The following RERE variants were observed in gnomAD, a reference collection of about 807,000 sequenced individuals.
RERE encodes the protein arginine-glutamic acid dipeptide repeats protein.
A neutral mutation model predicts 146.1 loss-of-function variants in RERE; 40 were observed. The observed-to-expected ratio is 0.27, with a 90% CI of 0.21 to 0.36. The LOEUF (loss-of-function observed/expected upper bound fraction) is 0.36, where lower values mean the gene tolerates loss of function less well. Among genes scored for constraint, RERE ranks in the 10% least tolerant of loss-of-function variants. The probability of loss-of-function intolerance (pLI) is 1.00; values close to 1 mark genes in which losing one functional copy is unlikely to be tolerated. For synonymous variants in RERE, 1,003 were observed against 866.0 expected (o/e 1.16, Z -2.78); for missense variants, 1,933 against 2,138.7 (o/e 0.90, Z 1.90).
rs1485084384 is a variant in RERE at position 8,355,251 on chromosome 1, T to C, written c.4668-131A>G. The C allele has an allele frequency of 2.6e-6, 3 of 1,165,088 alleles. No individual in the cohort carries two copies. The Admixed American group carries it at 5.5e-5, about 21-fold the overall frequency. The allele number at this position is 1,165,088 out of a possible 1,614,324, so 72.2% of individuals were successfully genotyped here. A position where few individuals can be genotyped will look rare whatever the true frequency, so the allele number is the denominator to read the frequency against. On this transcript the variant is annotated intron_variant, in intron 22 of 22. Coordinates refer to ENST00000400908, the MANE Select transcript of RERE (RefSeq NM_001042681.2). ...CCCGCAGCCTCCTGTGTAGCTGACC[T>C]ACCCTCCCAACACCTCCCTTCCTCT...
At chr1:8,446,837 C>A (rs1185217698) in intron 11 of RERE, among the ~76,000 whole-genome samples, 1 of 149,404 alleles carries the variant, frequency 6.7e-6, no homozygotes, top group South Asian at 2.1e-4. Flanking sequence ...CCACACCGGG[C>A]TAATTTTTTT....
intron 1 of RERE, among the ~76,000 whole-genome samples, chr1:8,809,154 A>AT (rs1641746294): frequency 4.0e-5 from 6 of 151,124 alleles, no homozygotes; most frequent in African/African-American, 1.5e-4. Context: ...AAAAAAAAAA[A>AT]AAAAAAGTAC....
chr1:8,632,755 C>T lies in RERE; in HGVS notation c.326-8375G>A, dbSNP rs115642956. Among the ~76,000 whole-genome samples the T allele has an allele frequency of 4.6e-3, 693 of 152,266 alleles. 6 individuals carry two copies. The highest frequency in any genetic ancestry group is 0.016 in the African/African-American group (665 of 41,546). ...CATCTTCTATTTCTTGGAAGCCTTC[C>T]TTGTTAAGACTAATGTACATATTCA... is the stretch of plus-strand genomic sequence containing the variant. On this transcript the variant is annotated intron_variant, in intron 2 of 22. Transcript: ENST00000400908.
At chr1:8,691,626 A>G (rs1474049472) in intron 1 of RERE, among the ~76,000 whole-genome samples, 15 of 152,230 alleles carry the variant, frequency 9.9e-5, no homozygotes, top group Admixed American at 9.8e-4. Context: ...GTCACAAATT[A>G]TGTTCTGGGA....
At chr1:8,698,680 T>A (rs1191381839) in intron 1 of RERE, among the ~76,000 whole-genome samples, 2 of 151,676 alleles carry the variant, frequency 1.3e-5, no homozygotes, top group Non-Finnish European at 2.9e-5. Flanking sequence ...TCTATTTTTA[T>A]TTTTTTTAAT....
intron 1 of RERE, among the ~76,000 whole-genome samples, chr1:8,695,069 C>G (rs1201259929): frequency 7.1e-6 from 1 of 141,028 alleles, no homozygotes; most frequent in Non-Finnish European, 1.5e-5. Flanking sequence ...GGTACAAAAA[C>G]AGACACATAG....
chr1:8,492,217 C>A (rs942756456), intron 10 of RERE, among the ~76,000 whole-genome samples: 1 of 152,086 alleles, frequency 6.6e-6, no homozygotes, highest in African/African-American at 2.4e-5. Context: ...TCTGGGAGTG[C>A]TAACAAAACC....
chr1:8,543,855 G>A (rs186842619), intron 6 of RERE, among the ~76,000 whole-genome samples: 20 of 152,330 alleles, frequency 1.3e-4, no homozygotes, highest in Admixed American at 5.2e-4. Flanking sequence ...TGAAGTTGTC[G>A]TAAATGGGAT....
rs1029317708 is a variant in RERE, at chr1:8,358,292, C to T, written c.4243G>A (p.Ala1415Thr). ...RMASLTSDPLARLQMFNVTPH... is the reference protein window; with the variant it reads ...RMASLTSDPLTRLQMFNVTPH... Reference sequence around the variant, plus strand: ...GTCACGTTGAACATCTGCAGTCGGGCCAGGGGATCGCTGGTCAGCGATGCC... The same window carrying T: ...GTCACGTTGAACATCTGCAGTCGGGTCAGGGGATCGCTGGTCAGCGATGCC... Residue 1415 changes from alanine (A) to threonine (T), a missense_variant, in exon 20 of 23, where the codon GCC (alanine) becomes ACC (threonine). Physicochemically the swap from Ala to Thr is moderately conservative, Grantham distance 58. This residue lies in a region of RERE where 47 missense variants were observed against 58.6 expected (regional missense o/e 0.80). Transcript: ENST00000400908. 1 of 1,613,630 alleles carries T rather than the reference C, an allele frequency of 6.2e-7. No individual in the cohort carries two copies. The highest frequency in any genetic ancestry group is 8.5e-7 in the Non-Finnish European group (1 of 1,179,664).
At chr1:8,560,488 A>G (rs1470702877) in intron 4 of RERE, among the ~76,000 whole-genome samples, 1 of 152,224 alleles carries the variant, frequency 6.6e-6, no homozygotes, top group Non-Finnish European at 1.5e-5. Context: ...AAGATGGCCT[A>G]CTGGAAAGAA....
At position 8,585,146 on chromosome 1, in the gene RERE, C is replaced by CAAAAAAAA. The variant is rs3082123; in HGVS notation, c.523-27631_523-27624dup. On this transcript the variant is annotated intron_variant, in intron 4 of 22. Coordinates refer to ENST00000400908, the MANE Select transcript of RERE (RefSeq NM_001042681.2). Reference sequence around the variant, plus strand: ...TGGGCAACGGAGCAAGACTCCATCTCAAAAAAAAAAAAAAAGAAGTAATTA... The same window carrying CAAAAAAAA: ...TGGGCAACGGAGCAAGACTCCATCTCAAAAAAAAAAAAAAAAAAAAAAAGAAGTAATTA... 2.0e-3 allele frequency among the ~76,000 whole-genome samples: 261 copies of CAAAAAAAA among 130,068 alleles called. 2 individuals are homozygous for CAAAAAAAA. The highest frequency in any genetic ancestry group is 7.2e-3 in the African/African-American group (247 of 34,278). 85.3% of individuals were successfully genotyped at this position (130,068 alleles called of 152,430 possible). A position where few individuals can be genotyped will look rare whatever the true frequency, so the allele number is the denominator to read the frequency against.
rs900621305 is a variant in RERE at position 8,423,869 on chromosome 1, GGGCCCCGCGCCCCGGCCCC to G, written c.1204-1081_1204-1063del. On this transcript the variant is annotated intron_variant, in intron 11 of 22. Transcript: ENST00000400908. This position sits in a 1 kb window ranked among gnomAD's most constrained non-coding sequence, Gnocchi z 5.4. ...CCGCCGCCCTCCTGTCCGCCAGCCGGGGCCCCGCGCCCCGGCCCCGGCCCCGCCCCCGGCCCGACCCCCA... is the reference window on the plus strand; with the variant it reads ...CCGCCGCCCTCCTGTCCGCCAGCCGGGGCCCCGCCCCCGGCCCGACCCCCA... The G allele has an allele frequency of 3.0e-4, 55 of 184,628 alleles. No homozygotes were observed. The highest frequency in any genetic ancestry group is 1.2e-3 in the Admixed American group (18 of 15,100). The allele number at this position is 184,628 out of a possible 1,614,324, so 11.4% of individuals were successfully genotyped here. A position where few individuals can be genotyped will look rare whatever the true frequency, so the allele number is the denominator to read the frequency against.
At chr1:8,736,372 A>C (rs1446911468) in intron 1 of RERE, among the ~76,000 whole-genome samples, 3 of 151,952 alleles carry the variant, frequency 2.0e-5, no homozygotes, top group African/African-American at 7.3e-5. Context: ...ACGCCTGGCT[A>C]ATTTTTTGTA....
intron 1 of RERE, among the ~76,000 whole-genome samples, chr1:8,794,582 A>C (rs966283839): frequency 2.0e-5 from 3 of 151,772 alleles, no homozygotes; most frequent in Non-Finnish European, 1.5e-5. Context: ...GGACTGAAAA[A>C]TTGCTGAATT....
intron 4 of RERE, among the ~76,000 whole-genome samples, chr1:8,559,864 T>C (rs991901216): frequency 2.0e-5 from 3 of 152,176 alleles, no homozygotes; most frequent in Non-Finnish European, 4.4e-5. Context: ...GCTGACCAAA[T>C]ACACAGGCAG....
At chr1:8,663,674 C>T (rs934176994) in intron 1 of RERE, among the ~76,000 whole-genome samples, 36 of 152,148 alleles carry the variant, frequency 2.4e-4, no homozygotes, top group African/African-American at 8.5e-4. Context: ...ATATAATTCA[C>T]GTTCCATATG....
At chr1:8,675,719 G>A (rs533144066) in intron 1 of RERE, among the ~76,000 whole-genome samples, 17 of 148,260 alleles carry the variant, frequency 1.1e-4, no homozygotes, top group African/African-American at 4.3e-4. Flanking sequence ...GCGAAACTCC[G>A]ACTCAAAATA....
intron 7 of RERE, among the ~76,000 whole-genome samples, chr1:8,524,398 AC>A (rs1645545401): frequency 6.6e-6 from 1 of 152,148 alleles, no homozygotes; most frequent in South Asian, 2.1e-4. Context: ...CTTCCTAAAA[AC>A]TTTCCACTAA....
chr1:8,767,634 G>C (rs1640872717), intron 1 of RERE, among the ~76,000 whole-genome samples: 1 of 150,008 alleles, frequency 6.7e-6, no homozygotes, highest in Non-Finnish European at 1.5e-5. Flanking sequence ...GAAAAAAAAT[G>C]CTGCTTATCA....
Sources: allele counts gnomAD v4.1 joint callset (sites outside exome capture counted in the v4.1 genomes callset), GRCh38; gene constraint gnomAD v4.1.1; regional missense constraint gnomAD v4.1.1; non-coding constraint Gnocchi (gnomAD v3.1); transcripts MANE v1.5; gene names NCBI Gene and HGNC (gene_info 2026-07-23, HGNC 2026-07-21).